The following SIK3 variants were observed in gnomAD, a reference collection of about 807,000 sequenced individuals.
The protein encoded by SIK3 is serine/threonine-protein kinase SIK3.
SIK3 carries 28 observed loss-of-function variants against 144.2 expected under a neutral mutation model. The ratio of observed to expected loss-of-function variants is 0.19; its 90% CI spans 0.14 to 0.27. The LOEUF (loss-of-function observed/expected upper bound fraction) is 0.27, where lower values mean the gene tolerates loss of function less well. Ranked by LOEUF, SIK3 falls within the 10% of genes least tolerant of loss-of-function variation. The probability of loss-of-function intolerance (pLI) is 1.00; values close to 1 mark genes in which losing one functional copy is unlikely to be tolerated. For missense variants in SIK3, 1,319 were observed against 1,776.0 expected (o/e 0.74, Z 4.62); for synonymous variants, 686 against 676.3 (o/e 1.01, Z -0.22).
intron 1 of SIK3, among the ~76,000 whole-genome samples, chr11:116,984,286 G>A (rs1489471811): frequency 6.6e-6 from 1 of 152,092 alleles, no homozygotes; most frequent in Non-Finnish European, 1.5e-5. Context: ...GTAGGCACTG[G>A]CAGTAGGCTT....
chr11:116,925,158 G>A (rs775054932), intron 4 of SIK3, among the ~76,000 whole-genome samples: 1 of 151,938 alleles, frequency 6.6e-6, no homozygotes, highest in Non-Finnish European at 1.5e-5. Flanking sequence ...GCGCGCACCT[G>A]TAGTTCCAGA....
Position 116,861,865 on chromosome 11 carries a change from G to T in SIK3, c.2291C>A (p.Ala764Asp). Reference sequence around the variant, plus strand: ...CCTCTGGAGCTGATGGGTAAGGAGGGCTGGCTGATTTTCACATGCAGCCTG... The same window carrying T: ...CCTCTGGAGCTGATGGGTAAGGAGGTCTGGCTGATTTTCACATGCAGCCTG... ...PLQAACENQP[A>D]LLTHQLQRLR... Residue 764 changes from alanine (A) to aspartate (D), a missense_variant, in exon 18 of 25, where the codon GCC becomes GAC. Ala to Asp is a moderately radical substitution (Grantham distance 126, BLOSUM62 -2). This residue lies in a region of SIK3 where 77 missense variants were observed against 141.9 expected (regional missense o/e 0.54). Coordinates refer to ENST00000445177, the MANE Select transcript of SIK3 (RefSeq NM_001366686.3). The T allele has an allele frequency of 6.2e-7, 1 of 1,612,180 alleles. No homozygotes were observed. The highest frequency in any genetic ancestry group is 8.5e-7 in the Non-Finnish European group (1 of 1,179,152).
At chr11:117,031,656 G>T (rs7481286) in intron 1 of SIK3, among the ~76,000 whole-genome samples, 11,913 of 147,386 alleles carry the variant, frequency 0.081, 621 homozygotes, top group African/African-American at 0.14. Context: ...AAGTAGCTGG[G>T]ATTACTGGCA....
At chr11:116,964,071 C>G (rs61905679) in intron 1 of SIK3, among the ~76,000 whole-genome samples, 3 of 151,974 alleles carry the variant, frequency 2.0e-5, no homozygotes, top group Non-Finnish European at 2.9e-5. Context: ...TGCAGTGACA[C>G]GACCATAGCT....
At chr11:116,993,050 C>T (rs6589583) in intron 1 of SIK3, among the ~76,000 whole-genome samples, 56,598 of 151,988 alleles carry the variant, frequency 0.37, 12,884 homozygotes, top group African/African-American at 0.65. Context: ...TATTTTATTT[C>T]TACTTTTATT....
intron 3 of SIK3, among the ~76,000 whole-genome samples, chr11:116,928,511 A>G (rs555308459): frequency 6.6e-6 from 1 of 152,248 alleles, no homozygotes; most frequent in Admixed American, 6.5e-5. Context: ...GGTAGAATAC[A>G]CAATTGTTTT....
At chr11:117,064,887 C>A (rs549954344) in intron 1 of SIK3, among the ~76,000 whole-genome samples, 1 of 152,156 alleles carries the variant, frequency 6.6e-6, no homozygotes, top group Non-Finnish European at 1.5e-5. Context: ...CGGTGGCTCA[C>A]GCCTGTAATC....
At chr11:116,878,483 G>A (rs1333866427) in intron 6 of SIK3, among the ~76,000 whole-genome samples, 1 of 151,626 alleles carries the variant, frequency 6.6e-6, no homozygotes, top group African/African-American at 2.4e-5. Context: ...GGGTTCACGT[G>A]ATTCTCCTGC....
At chr11:117,035,388 T>A (rs752163100) in intron 1 of SIK3, among the ~76,000 whole-genome samples, 4 of 152,224 alleles carry the variant, frequency 2.6e-5, no homozygotes, top group African/African-American at 7.2e-5. Flanking sequence ...TTCTATCAAT[T>A]CATTAATTCT....
At chr11:116,927,814 G>A (rs1469603774) in intron 3 of SIK3, among the ~76,000 whole-genome samples, 1 of 152,172 alleles carries the variant, frequency 6.6e-6, no homozygotes, top group East Asian at 1.9e-4. Context: ...TTAAGGAAAG[G>A]GTGGACAGAA....
At chr11:116,894,152 G>A (rs1018233155) in intron 6 of SIK3, among the ~76,000 whole-genome samples, 3 of 152,080 alleles carry the variant, frequency 2.0e-5, no homozygotes, top group African/African-American at 7.2e-5. Context: ...TCCTAGGACA[G>A]CAGGCCCTCT....
chr11:116,846,114 T>C lies in SIK3; in HGVS notation c.*13+269A>G, dbSNP rs752742489. On this transcript the variant is annotated intron_variant, in intron 24 of 24. Coordinates refer to ENST00000445177, the MANE Select transcript of SIK3 (RefSeq NM_001366686.3). This position sits in a 1 kb window ranked among gnomAD's most constrained non-coding sequence, Gnocchi z 4.1. The stretch of plus-strand genomic sequence containing the variant: ...CTGTCGCTATGAAGGCTAGAGCACC[T>C]GTAACACACGGCGAGTCTTGTGTCT... Among the ~76,000 whole-genome samples the C allele has an allele frequency of 6.6e-6, 1 of 152,244 alleles. No individual in the cohort carries two copies. Among genetic ancestry groups the C allele is most frequent in the Non-Finnish European group, 1.5e-5 (1 of 68,046 alleles).
intron 1 of SIK3, among the ~76,000 whole-genome samples, chr11:117,094,265 G>A (rs553500287): frequency 5.3e-4 from 80 of 152,212 alleles, no homozygotes; most frequent in Non-Finnish European, 1.0e-3. Flanking sequence ...TAGTTTAAAC[G>A]TATTTGGCCA....
intron 16 of SIK3, 93 bp downstream of exon 16, chr11:116,863,575 A>G: frequency 6.4e-7 from 1 of 1,561,504 alleles, no homozygotes; most frequent in Middle Eastern, 2.3e-4. Flanking sequence ...TGTTGCTGAC[A>G]TAAAAGGGGT....
intron 3 of SIK3, among the ~76,000 whole-genome samples, chr11:116,937,257 T>C (rs1565473350): frequency 6.6e-6 from 1 of 152,248 alleles, no homozygotes; most frequent in African/African-American, 2.4e-5. Context: ...TATATGCATA[T>C]ATTTATTTAG....
intron 3 of SIK3, chr11:116,950,395 T>G (rs1419068786): frequency 2.2e-5 from 6 of 269,458 alleles, no homozygotes; most frequent in Non-Finnish European, 3.8e-5. Context: ...ATGGAGTCAC[T>G]CATGCTAAAG....
chr11:116,857,886 A>G lies in SIK3; in HGVS notation c.3579T>C (p.His1193=). 6.2e-7 allele frequency: 1 copy of G among 1,614,238 alleles called. No individual in the cohort carries two copies. The highest frequency in any genetic ancestry group is 1.1e-5 in the South Asian group (1 of 91,082). Residue 1193 remains histidine, a synonymous_variant, in exon 21 of 25, where the codon CAT becomes CAC. Coordinates refer to ENST00000445177, the MANE Select transcript of SIK3 (RefSeq NM_001366686.3). ...DPESLLGTVS[H]AQELGIHPYG... Reference sequence around the variant, plus strand: ...AGGGATGTATCCCCAATTCTTGGGCATGACTCACAGTTCCTAGCAAAGATT... The same window carrying G: ...AGGGATGTATCCCCAATTCTTGGGCGTGACTCACAGTTCCTAGCAAAGATT...
At chr11:117,048,451 G>C (rs1953063305) in intron 1 of SIK3, among the ~76,000 whole-genome samples, 1 of 152,036 alleles carries the variant, frequency 6.6e-6, no homozygotes, top group African/African-American at 2.4e-5. Flanking sequence ...GCGGTTGGGA[G>C]TTCGAGACCA....
At chr11:117,069,099 T>C (rs1300684551) in intron 1 of SIK3, among the ~76,000 whole-genome samples, 2 of 148,500 alleles carry the variant, frequency 1.3e-5, no homozygotes, top group Non-Finnish European at 3.0e-5. Flanking sequence ...ATGGCTTTAC[T>C]TGCCCATCTA....
Sources: allele counts gnomAD v4.1 joint callset (sites outside exome capture counted in the v4.1 genomes callset), GRCh38; gene constraint gnomAD v4.1.1; regional missense constraint gnomAD v4.1.1; non-coding constraint Gnocchi (gnomAD v3.1); transcripts MANE v1.5; gene names NCBI Gene and HGNC (gene_info 2026-07-23, HGNC 2026-07-21).